The following CSMD1 variants were observed in gnomAD, a reference collection of about 807,000 sequenced individuals.
CSMD1 encodes CUB and Sushi multiple domains 1.
In CSMD1, 213 loss-of-function variants were observed where a neutral mutation model predicts 417.5. The observed-to-expected ratio is 0.51, with a 90% CI of 0.46 to 0.57. The LOEUF is 0.57. Ranked by LOEUF, CSMD1 falls within the 20% of genes least tolerant of loss-of-function variation. The pLI is 0.00. For missense variants in CSMD1, 6,923 were observed against 4,529.7 expected (o/e 1.53, Z -15.17); for synonymous variants, 2,862 against 1,736.8 (o/e 1.65, Z -16.11).
At chr8:4,461,424 T>G (rs796881137) in intron 2 of CSMD1, among the ~76,000 whole-genome samples, 5 of 151,716 alleles carry the variant, frequency 3.3e-5, no homozygotes, top group African/African-American at 1.2e-4. Flanking sequence ...TATAACTATT[T>G]ACAAATCACA....
intron 12 of CSMD1, 114 bp downstream of exon 12, chr8:3,468,598 T>A: frequency 1.6e-6 from 1 of 610,000 alleles, no homozygotes; most frequent in Non-Finnish European, 2.9e-6. Context: ...ATGATTCCTA[T>A]TTATCAGCAT....
intron 12 of CSMD1, among the ~76,000 whole-genome samples, chr8:3,430,671 A>C (rs181215421): frequency 6.6e-6 from 1 of 152,154 alleles, no homozygotes; most frequent in African/African-American, 2.4e-5. Flanking sequence ...GCCAGGTGTG[A>C]TGGCAGGTGC....
intron 26 of CSMD1, among the ~76,000 whole-genome samples, chr8:3,241,355 TG>T: frequency 6.6e-6 from 1 of 152,012 alleles, no homozygotes. Flanking sequence ...GAAGGTAATG[TG>T]GAGTGGGTAG....
At position 3,924,575 on chromosome 8, in the gene CSMD1, G is replaced by C. The variant is rs142299202; in HGVS notation, c.818+73328C>G. ...AATTGTGTATCAGTTTTGTCCCTGTGACTGGATAATTTTAAATGATCTGTC... is the reference window on the plus strand; with the variant it reads ...AATTGTGTATCAGTTTTGTCCCTGTCACTGGATAATTTTAAATGATCTGTC... On this transcript the variant is annotated intron_variant, in intron 5 of 69. Coordinates refer to ENST00000635120, the MANE Select transcript of CSMD1 (RefSeq NM_033225.6). 1.6e-3 allele frequency among the ~76,000 whole-genome samples: 242 copies of C among 152,164 alleles called. 1 individual carries two copies. Among genetic ancestry groups the C allele is most frequent in the African/African-American group, 5.6e-3 (234 of 41,534 alleles).
chr8:4,261,187 T>A (rs1331028086), intron 3 of CSMD1, among the ~76,000 whole-genome samples: 1 of 152,176 alleles, frequency 6.6e-6, no homozygotes, highest in African/African-American at 2.4e-5. Context: ...ATAATCATGA[T>A]TAAGTTAAAA....
intron 3 of CSMD1, among the ~76,000 whole-genome samples, chr8:4,312,600 G>C (rs1266424703): frequency 1.3e-5 from 2 of 149,450 alleles, no homozygotes; most frequent in South Asian, 2.1e-4. Flanking sequence ...TTGTTGGCCA[G>C]GCACAGTGTC....
intron 5 of CSMD1, among the ~76,000 whole-genome samples, chr8:3,962,707 C>T (rs1352882467): frequency 9.2e-5 from 14 of 152,178 alleles, no homozygotes; most frequent in Non-Finnish European, 4.4e-5. Flanking sequence ...GAGGTGCGGC[C>T]CTTTCTTGCA....
At chr8:3,781,273 G>A (rs547375125) in intron 5 of CSMD1, among the ~76,000 whole-genome samples, 1 of 152,086 alleles carries the variant, frequency 6.6e-6, no homozygotes, top group Non-Finnish European at 1.5e-5. Flanking sequence ...CAGAGTACAT[G>A]CCGAGAGAAT....
chr8:3,939,393 C>A (rs1427052772), intron 5 of CSMD1, among the ~76,000 whole-genome samples: 2 of 152,088 alleles, frequency 1.3e-5, no homozygotes, highest in African/African-American at 2.4e-5. Flanking sequence ...GAAAAGGGAA[C>A]ACTTTTACAC....
At chr8:4,291,819 T>C (rs548597834) in intron 3 of CSMD1, among the ~76,000 whole-genome samples, 48 of 152,354 alleles carry the variant, frequency 3.2e-4, no homozygotes, top group African/African-American at 1.1e-3. Context: ...TGAAATGTCA[T>C]GTAAACCATA....
intron 12 of CSMD1, among the ~76,000 whole-genome samples, chr8:3,465,058 C>G (rs1281455212): frequency 6.6e-6 from 1 of 152,122 alleles, no homozygotes; most frequent in African/African-American, 2.4e-5. Context: ...ATGTATAACA[C>G]ATACTGTATA....
chr8:4,129,360 C>T (rs1312147049), intron 3 of CSMD1, among the ~76,000 whole-genome samples: 3 of 152,194 alleles, frequency 2.0e-5, no homozygotes, highest in South Asian at 4.1e-4. Context: ...TGAATGCATT[C>T]CCAGTTTCCT....
intron 2 of CSMD1, among the ~76,000 whole-genome samples, chr8:4,519,263 T>C (rs1197567616): frequency 6.6e-6 from 1 of 152,054 alleles, no homozygotes; most frequent in Non-Finnish European, 1.5e-5. Flanking sequence ...GCCTGGCAAA[T>C]TATATGGAAT....
At chr8:4,802,838 G>C (rs965886802) in intron 1 of CSMD1, among the ~76,000 whole-genome samples, 1 of 152,134 alleles carries the variant, frequency 6.6e-6, no homozygotes, top group Non-Finnish European at 1.5e-5. Flanking sequence ...CTTAGTTTTT[G>C]AAAAATATAG....
At chr8:4,481,388 C>G (rs1801095030) in intron 2 of CSMD1, among the ~76,000 whole-genome samples, 1 of 152,184 alleles carries the variant, frequency 6.6e-6, no homozygotes, top group South Asian at 2.1e-4. Context: ...TGAGACATCT[C>G]AATGCTAAGG....
intron 3 of CSMD1, among the ~76,000 whole-genome samples, chr8:4,084,396 AT>A (rs1255669707): frequency 6.6e-6 from 1 of 152,158 alleles, no homozygotes; most frequent in Admixed American, 6.5e-5. Context: ...TGCGATTTAA[AT>A]TTTTTAAATT....
chr8:4,214,154 A>G (rs1475585530), intron 3 of CSMD1, among the ~76,000 whole-genome samples: 1 of 152,114 alleles, frequency 6.6e-6, no homozygotes, highest in African/African-American at 2.4e-5. Flanking sequence ...TTGGATCTCT[A>G]CTTTGTATTT....
chr8:3,901,577 G>A lies in CSMD1; in HGVS notation c.818+96326C>T, dbSNP rs764022091. The stretch of plus-strand genomic sequence containing the variant: ...TGCTCATAAAGTAGAGTCCTCATTC[G>A]GAGAGCCTTGGGGCTCAGATCTTTT... On this transcript the variant is annotated intron_variant, in intron 5 of 69. Transcript: ENST00000635120. Among the ~76,000 whole-genome samples the A allele has an allele frequency of 5.3e-5, 8 of 152,164 alleles. No homozygotes were observed. The East Asian group carries it at 5.8e-4, about 11-fold the overall frequency.
intron 29 of CSMD1, among the ~76,000 whole-genome samples, chr8:3,218,745 T>C (rs567544342): frequency 7.5e-5 from 11 of 146,170 alleles, no homozygotes; most frequent in Admixed American, 1.4e-4. Flanking sequence ...GGTGGCATGC[T>C]CCTGTAATTC....
Sources: allele counts gnomAD v4.1 joint callset (sites outside exome capture counted in the v4.1 genomes callset), GRCh38; gene constraint gnomAD v4.1.1; transcripts MANE v1.5; gene names NCBI Gene and HGNC (gene_info 2026-07-23, HGNC 2026-07-21).